LMO7: variants seen among roughly 807,000 people sequenced by gnomAD.
LMO7 encodes the protein LIM domain 7.
In LMO7, 120 loss-of-function variants were observed where a neutral mutation model predicts 206.5. The observed-to-expected ratio is 0.58, with a 90% confidence interval of 0.50 to 0.68. The LOEUF (loss-of-function observed/expected upper bound fraction) is 0.68, where lower values mean the gene tolerates loss of function less well. Ranked by LOEUF, LMO7 falls within the 30% of genes least tolerant of loss-of-function variation. The probability of loss-of-function intolerance (pLI) is 0.00; values close to 1 mark genes in which losing one functional copy is unlikely to be tolerated. For missense variants in LMO7, 1,959 were observed against 1,957.9 expected (o/e 1.00, Z -0.01); for synonymous variants, 706 against 681.5 (o/e 1.04, Z -0.56).
intron 7 of LMO7, among the ~76,000 whole-genome samples, chr13:75,801,880 G>A (rs1476328580): frequency 6.6e-6 from 1 of 152,116 alleles, no homozygotes; most frequent in Non-Finnish European, 1.5e-5. Flanking sequence ...TAATTGTACA[G>A]CGAACACACA....
chr13:75,664,573 T>C (rs142146928), intron 1 of LMO7, among the ~76,000 whole-genome samples: 2,377 of 152,316 alleles, frequency 0.016, 26 homozygotes, highest in Non-Finnish European at 0.025. Context: ...TTAAGGTAGC[T>C]AGCTCTGTTT....
intron 13 of LMO7, among the ~76,000 whole-genome samples, chr13:75,820,501 G>A (rs2057464149): frequency 6.6e-6 from 1 of 152,190 alleles, no homozygotes; most frequent in Admixed American, 6.5e-5. Flanking sequence ...CAAATTGGTT[G>A]TCAATCATGA....
chr13:75,776,160 C>A (rs1311070074), intron 4 of LMO7, among the ~76,000 whole-genome samples: 15 of 27,970 alleles, frequency 5.4e-4, no homozygotes, highest in Non-Finnish European at 7.3e-4. Flanking sequence ...GTATATATAT[C>A]GGATATATAT....
intron 1 of LMO7, among the ~76,000 whole-genome samples, chr13:75,681,732 A>ATATATATATATATATATATATATATATG (rs1555293403): frequency 1.3e-4 from 17 of 135,272 alleles, no homozygotes; most frequent in African/African-American, 4.3e-4. Flanking sequence ...ATATATATAT[A>ATATATATATATATATATATATATATATG]TATATATATA....
At chr13:75,708,485 A>G (rs1348182450) in intron 1 of LMO7, among the ~76,000 whole-genome samples, 1 of 152,184 alleles carries the variant, frequency 6.6e-6, no homozygotes, top group Non-Finnish European at 1.5e-5. Context: ...TATAAGTGTC[A>G]GTGGCTCTGA....
At position 75,808,119 on chromosome 13, in the gene LMO7, C is replaced by CA; in HGVS notation, c.1837dup (p.Ser613LysfsTer2). On this transcript the variant is annotated frameshift_variant, in exon 10 of 31. Transcript: ENST00000377534. LOFTEE classifies it high-confidence loss of function. ...CCATCAGTTTCACCCCTGGCCCCTGCAGTGAGGCTGACTTGAAGAGATGGG... is the reference window on the plus strand; with the variant it reads ...CCATCAGTTTCACCCCTGGCCCCTGCAAGTGAGGCTGACTTGAAGAGATGGG... The CA allele has an allele frequency of 6.2e-7, 1 of 1,613,906 alleles. No homozygotes were observed.
chr13:75,660,270 A>G (rs1215540147), intron 1 of LMO7, among the ~76,000 whole-genome samples: 1 of 152,188 alleles, frequency 6.6e-6, no homozygotes, highest in Non-Finnish European at 1.5e-5. Flanking sequence ...CTGACATTGT[A>G]TTAGATCTTT....
intron 11 of LMO7, among the ~76,000 whole-genome samples, chr13:75,811,539 A>G (rs1003714784): frequency 2.0e-5 from 3 of 152,248 alleles, no homozygotes; most frequent in Admixed American, 6.5e-5. Context: ...GTCATTGAAA[A>G]ATAACTGCCT....
Position 75,853,373 on chromosome 13 carries a change from C to G in LMO7, c.4646C>G (p.Ser1549Cys), listed in dbSNP as rs772333699. Residue 1549 changes from serine (S) to cysteine (C), a missense_variant, in exon 28 of 31, where the codon TCT (serine) becomes TGT (cysteine). Transcript: ENST00000377534. ...TCCCCTTCAGCTTCACAGTCAGGCT[C>G]TCAGCTGCGTAACAGGTGAGGCCCT... The part of the protein sequence containing the change: ...SHSPSASQSG[S>C]QLRNRSVSGK... 5.6e-5 allele frequency: 90 copies of G among 1,605,802 alleles called. No homozygotes were observed. Among genetic ancestry groups the G allele is most frequent in the Admixed American group, 8.4e-5 (5 of 59,190 alleles).
chr13:75,818,037 T>C (rs1156841873), intron 12 of LMO7, among the ~76,000 whole-genome samples: 1 of 152,148 alleles, frequency 6.6e-6, no homozygotes, highest in Non-Finnish European at 1.5e-5. Flanking sequence ...TAAATCTTAA[T>C]TTTCAAAGGA....
At chr13:75,632,781 A>G (rs2035111075), upstream of LMO7, among the ~76,000 whole-genome samples, 1 of 151,638 alleles carries the variant, frequency 6.6e-6, no homozygotes, top group African/African-American at 2.4e-5. Context: ...AATAGTGCAT[A>G]GGATTCAGCA....
intron 6 of LMO7, among the ~76,000 whole-genome samples, chr13:75,798,911 G>A (rs891911501): frequency 1.3e-5 from 2 of 152,202 alleles, no homozygotes; most frequent in Non-Finnish European, 2.9e-5. Flanking sequence ...TCCATCTTGA[G>A]TGTTGAACTC....
At chr13:75,662,473 C>A (rs2038693777) in intron 1 of LMO7, among the ~76,000 whole-genome samples, 1 of 152,174 alleles carries the variant, frequency 6.6e-6, no homozygotes, top group Non-Finnish European at 1.5e-5. Flanking sequence ...CGTGTGCCCC[C>A]ACACCTGGCT....
At chr13:75,645,206 C>T (rs557367481) in intron 1 of LMO7, among the ~76,000 whole-genome samples, 6 of 152,262 alleles carry the variant, frequency 3.9e-5, no homozygotes, top group Middle Eastern at 3.4e-3. Context: ...TTCAAAAATA[C>T]ATGTCATGTT....
chr13:75,693,743 CT>C (rs1406623107), intron 1 of LMO7, among the ~76,000 whole-genome samples: 1 of 152,166 alleles, frequency 6.6e-6, no homozygotes, highest in Non-Finnish European at 1.5e-5. Context: ...CTCAGGGACT[CT>C]TGTTTCTGCA....
chr13:75,833,142 T>C lies in LMO7; in HGVS notation c.3041T>C (p.Ile1014Thr). 2 of 1,598,414 alleles carry C rather than the reference T, an allele frequency of 1.3e-6. No individual in the cohort carries two copies. Among genetic ancestry groups the C allele is most frequent in the Non-Finnish European group, 1.7e-6 (2 of 1,165,862 alleles). The change falls in exon 16 of 31, where the codon ATC (isoleucine) becomes ACC (threonine). Residue 1014 changes from isoleucine to threonine, a missense_variant. Ile to Thr is a moderately conservative substitution (Grantham distance 89). Transcript: ENST00000377534. Reference sequence around the variant, plus strand: ...ACAATAAAATGGGATATTCCTGGGATCTTCGTAGCATCAGTTGAAGCAGGT... The same window carrying C: ...ACAATAAAATGGGATATTCCTGGGACCTTCGTAGCATCAGTTGAAGCAGGT... ...GFTIKWDIPG[I>T]FVASVEAGSP...
At chr13:75,692,096 C>T (rs767709539) in intron 1 of LMO7, among the ~76,000 whole-genome samples, 1 of 152,210 alleles carries the variant, frequency 6.6e-6, no homozygotes, top group East Asian at 1.9e-4. Context: ...TCTGCCTCCT[C>T]CTGCATTATG....
intron 15 of LMO7, among the ~76,000 whole-genome samples, chr13:75,828,976 G>A (rs1411050662): frequency 6.6e-6 from 1 of 152,146 alleles, no homozygotes; most frequent in African/African-American, 2.4e-5. Flanking sequence ...TGTTTCTAAC[G>A]TGGGCACCTG....
At chr13:75,726,824 C>T (rs920602137) in intron 2 of LMO7, among the ~76,000 whole-genome samples, 6 of 152,084 alleles carry the variant, frequency 3.9e-5, no homozygotes, top group Admixed American at 3.9e-4. Context: ...AGGATATAGA[C>T]TATGGAGAAC....
Sources: gnomAD v4.1 joint callset for allele counts (sites outside exome capture counted in the v4.1 genomes callset) on GRCh38, gnomAD v4.1.1 for gene constraint, MANE v1.5 for transcripts, NCBI Gene and HGNC (gene_info 2026-07-23, HGNC 2026-07-21) for gene names.